Variants in ABCA5 observed in about 807,000 individuals in gnomAD.
ABCA5 encodes ATP binding cassette subfamily A member 5, also known as cholesterol transporter ABCA5.
A neutral mutation model predicts 206.0 loss-of-function variants in ABCA5; 163 were observed. The ratio of observed to expected loss-of-function variants is 0.79; its 90% confidence interval spans 0.70 to 0.90. The LOEUF is 0.90. ABCA5 is among the 40% of genes least tolerant of loss of function. The pLI is 0.00. For synonymous variants in ABCA5, 609 were observed against 613.8 expected, an observed-to-expected ratio of 0.99 and a Z score of 0.11; for missense variants, 1,859 against 1,912.9, an observed-to-expected ratio of 0.97 and a Z score of 0.53.
At chr17:69,273,341 T>G (rs1438786665) in intron 20 of ABCA5, among the ~76,000 whole-genome samples, 4 of 152,160 alleles carry the variant, frequency 2.6e-5, no homozygotes, top group Non-Finnish European at 5.9e-5. Context: ...ACTTTTGAAG[T>G]ATATTTTGCT....
At chr17:69,274,206 A>G in intron 19 of ABCA5, 78 bp from the exon 20 acceptor site, 2 of 1,340,510 alleles carry the variant, frequency 1.5e-6, no homozygotes, top group Non-Finnish European at 2.0e-6. Flanking sequence ...CTCTCCCTTC[A>G]CATTGATATG....
intron 1 of ABCA5, among the ~76,000 whole-genome samples, chr17:69,321,183 C>T (rs2075862220): frequency 6.6e-6 from 1 of 151,944 alleles, no homozygotes; most frequent in Admixed American, 6.6e-5. Flanking sequence ...CAGTACTTTT[C>T]TATATTGACG....
chr17:69,247,906 A>ACAC (rs923276948), intron 38 of ABCA5, among the ~76,000 whole-genome samples: 26 of 152,208 alleles, frequency 1.7e-4, no homozygotes, highest in African/African-American at 6.3e-4. Context: ...CTAATGTGAA[A>ACAC]CACCACCATC....
At chr17:69,298,273 AAG>A (rs1567774569) in intron 9 of ABCA5, among the ~76,000 whole-genome samples, 36 of 127,314 alleles carry the variant, frequency 2.8e-4, no homozygotes, top group African/African-American at 1.2e-3. Flanking sequence ...GGAAGGAAGG[AAG>A]GAAGGAAGGG....
At chr17:69,248,238 T>C (rs771100109) in intron 38 of ABCA5, 24 bp downstream of exon 38, 1 of 1,381,296 alleles carries the variant, frequency 7.2e-7, no homozygotes, top group South Asian at 1.3e-5. Flanking sequence ...TAAAATAATT[T>C]TTAAAAATTT....
intron 28 of ABCA5, 34 bp downstream of exon 28, chr17:69,259,671 TA>T (rs1311726228): frequency 7.2e-7 from 1 of 1,397,760 alleles, no homozygotes; most frequent in South Asian, 1.2e-5. Context: ...GTAAATATAC[TA>T]AAAACATTTA....
At chr17:69,277,033 G>A (rs988356838) in intron 19 of ABCA5, among the ~76,000 whole-genome samples, 1 of 152,140 alleles carries the variant, frequency 6.6e-6, no homozygotes, top group Non-Finnish European at 1.5e-5. Context: ...TGTGGTATAT[G>A]AAAGTGGTTA....
intron 10 of ABCA5, among the ~76,000 whole-genome samples, chr17:69,295,818 G>C (rs1158226910): frequency 6.6e-6 from 1 of 152,046 alleles, no homozygotes; most frequent in Admixed American, 6.5e-5. Context: ...CAGTTCATCT[G>C]CGAGTTTTTT....
chr17:69,246,530 A>G lies in ABCA5; in HGVS notation c.*1007T>C, dbSNP rs1464559288. 1 of 151,994 alleles carries G rather than the reference A, an allele frequency of 6.6e-6. No individual in the cohort carries two copies. Among genetic ancestry groups the G allele is most frequent in the Non-Finnish European group, 1.5e-5 (1 of 67,844 alleles). The allele number at this position is 151,994 out of a possible 1,614,324, so 9.4% of individuals were successfully genotyped here. On this transcript the variant is annotated 3_prime_UTR_variant, in exon 39 of 39. Transcript: ENST00000392676. Reference sequence around the variant, plus strand: ...CAATTCTTAATTTAACCCTTGAAAGAGTTTATTCATATCCTACCATGTTCC... The same window carrying G: ...CAATTCTTAATTTAACCCTTGAAAGGGTTTATTCATATCCTACCATGTTCC...
chr17:69,306,857 C>T lies in ABCA5; in HGVS notation c.656G>A (p.Gly219Glu). Reference sequence around the variant, plus strand: ...TATAACTAGGTATATTAAAATTACTCCTCGGGGAAAGGTATCTATTTCTAC... The same window carrying T: ...TATAACTAGGTATATTAAAATTACTTCTCGGGGAAAGGTATCTATTTCTAC... ...AVVEIDTFPR[G>E]VILIYLVIAF... Residue 219 changes from glycine to glutamate, a missense_variant, in exon 6 of 39, where the codon GGA becomes GAA. Gly to Glu is a moderately conservative substitution (Grantham distance 98). Transcript: ENST00000392676. 6.2e-7 allele frequency: 1 copy of T among 1,603,698 alleles called. No individual in the cohort carries two copies. Among genetic ancestry groups the T allele is most frequent in the Non-Finnish European group, 8.5e-7 (1 of 1,174,432 alleles).
chr17:69,258,695 AT>A (rs560511543), intron 28 of ABCA5, among the ~76,000 whole-genome samples: 3 of 151,932 alleles, frequency 2.0e-5, no homozygotes, highest in Non-Finnish European at 4.4e-5. Context: ...AATCTAAAAT[AT>A]TTTTTTTAAA....
chr17:69,286,026 T>C lies in ABCA5; in HGVS notation c.2144A>G (p.Asp715Gly). Residue 715 changes from aspartate to glycine, a missense_variant, in exon 17 of 39, where the codon GAC becomes GGC. Transcript: ENST00000392676. ...GIGYRLSMYI[D>G]KYCATESLSS... ...AAGAGATTCTGTGGCACAATATTTG[T>C]CTATGTACATGCTAGAGAATACCAA... 2 of 1,611,330 alleles carry C rather than the reference T, an allele frequency of 1.2e-6. No homozygotes were observed. Among genetic ancestry groups the C allele is most frequent in the Non-Finnish European group, 1.7e-6 (2 of 1,179,188 alleles).
At chr17:69,320,812 C>G (rs527102) in intron 1 of ABCA5, among the ~76,000 whole-genome samples, 144,494 of 152,208 alleles carry the variant, frequency 0.95, 69,053 homozygotes, top group East Asian at 1. Flanking sequence ...AGGGATATGG[C>G]GAATAAATAA....
At chr17:69,276,089 G>T (rs917409136) in intron 19 of ABCA5, among the ~76,000 whole-genome samples, 6 of 144,416 alleles carry the variant, frequency 4.2e-5, no homozygotes, top group Admixed American at 2.7e-4. Context: ...TTCTTTTTTT[G>T]GGGGGGCGGG....
At position 69,291,201 on chromosome 17, in the gene ABCA5, A is replaced by T; in HGVS notation, c.1606+15T>A. The T allele has an allele frequency of 6.6e-7, 1 of 1,526,446 alleles. No homozygotes were observed. The highest frequency in any genetic ancestry group is 2.0e-5 in the Admixed American group (1 of 49,580). The allele number at this position is 1,526,446 out of a possible 1,614,324, so 94.6% of individuals were successfully genotyped here. ...ATATAATGAAGTTTTTTTTTCTTTAAGACAGAAAACTCACCATCAGAAGGT... is the reference window on the plus strand; with the variant it reads ...ATATAATGAAGTTTTTTTTTCTTTATGACAGAAAACTCACCATCAGAAGGT... On this transcript the variant is annotated intron_variant, in intron 12 of 38. Coordinates refer to ENST00000392676, the MANE Select transcript of ABCA5 (RefSeq NM_172232.4).
At chr17:69,305,682 C>T (rs2075708604) in intron 6 of ABCA5, among the ~76,000 whole-genome samples, 1 of 152,078 alleles carries the variant, frequency 6.6e-6, no homozygotes, top group Admixed American at 6.6e-5. Context: ...CCAGCCTGCA[C>T]AACATGGCGA....
intron 10 of ABCA5, 40 bp downstream of exon 10, chr17:69,297,151 A>G: frequency 6.4e-7 from 1 of 1,563,042 alleles, no homozygotes; most frequent in South Asian, 1.2e-5. Context: ...ATGTTTCATC[A>G]GCAGTTCTTA....
chr17:69,255,914 C>A (rs2066570842), intron 29 of ABCA5, 64 bp from the exon 30 acceptor site: 4 of 1,333,822 alleles, frequency 3.0e-6, no homozygotes, highest in Non-Finnish European at 4.1e-6. Flanking sequence ...ACAGGCTGCA[C>A]ATACCTCATA....
intron 9 of ABCA5, among the ~76,000 whole-genome samples, chr17:69,299,250 G>C (rs2075624050): frequency 6.6e-6 from 1 of 152,132 alleles, no homozygotes; most frequent in Admixed American, 6.6e-5. Context: ...ATGGAAAGCA[G>C]TGTGGAGATT....
Sources: allele counts gnomAD v4.1 joint callset (sites outside exome capture counted in the v4.1 genomes callset), GRCh38; gene constraint gnomAD v4.1.1; transcripts MANE v1.5; gene names NCBI Gene and HGNC (gene_info 2026-07-23, HGNC 2026-07-21).